The following ADAMTS19 variants were observed in gnomAD, a reference collection of about 807,000 sequenced individuals.
ADAMTS19 encodes the protein ADAM metallopeptidase with thrombospondin type 1 motif 19, also known as A disintegrin and metalloproteinase with thrombospondin motifs 19.
Under a neutral mutation model 153.3 loss-of-function variants are expected in ADAMTS19, and 93 were observed. That is an observed-to-expected ratio of 0.61 (90% CI 0.51 to 0.72). The LOEUF (loss-of-function observed/expected upper bound fraction) is 0.72. Among genes scored for constraint, ADAMTS19 ranks in the 30% least tolerant of loss-of-function variants. The pLI is 0.00. For missense variants in ADAMTS19, 1,482 were observed against 1,552.1 expected (o/e 0.95, Z 0.76); for synonymous variants, 600 against 556.6 (o/e 1.08, Z -1.10).
At chr5:129,508,781 C>T (rs73242271) in intron 2 of ADAMTS19, among the ~76,000 whole-genome samples, 13,771 of 151,930 alleles carry the variant, frequency 0.091, 1,162 homozygotes, top group African/African-American at 0.23. Flanking sequence ...CATGGGTCTC[C>T]CAAAGTGAGC....
At chr5:129,660,953 C>G (rs868684084) in intron 15 of ADAMTS19, among the ~76,000 whole-genome samples, 1 of 152,164 alleles carries the variant, frequency 6.6e-6, no homozygotes, top group Admixed American at 6.6e-5. Context: ...ACCATACCCC[C>G]ACTGCCACCC....
At chr5:129,690,126 T>C (rs549690047) in intron 18 of ADAMTS19, among the ~76,000 whole-genome samples, 5 of 152,102 alleles carry the variant, frequency 3.3e-5, no homozygotes, top group African/African-American at 1.2e-4. Context: ...GCATCCACTA[T>C]TGCTAGGTGG....
At chr5:129,724,478 TTGAC>T (rs2127206513) in intron 21 of ADAMTS19, among the ~76,000 whole-genome samples, 1 of 152,190 alleles carries the variant, frequency 6.6e-6, no homozygotes, top group African/African-American at 2.4e-5. Flanking sequence ...AAGAAAGAAT[TTGAC>T]TGAGAAGCAT....
At chr5:129,691,452 A>G (rs1034119898) in intron 18 of ADAMTS19, among the ~76,000 whole-genome samples, 1 of 152,142 alleles carries the variant, frequency 6.6e-6, no homozygotes, top group African/African-American at 2.4e-5. Flanking sequence ...TATTGGATGC[A>G]TTGTAGATAC....
intron 3 of ADAMTS19, among the ~76,000 whole-genome samples, chr5:129,516,522 T>C (rs533760831): frequency 6.6e-6 from 1 of 151,964 alleles, no homozygotes; most frequent in African/African-American, 2.4e-5. Context: ...GTTTCAATCT[T>C]GGTAGGTTGT....
At chr5:129,658,313 G>GAAAGAAAGAAAGAAAGAAAGAA (rs1561632126) in intron 14 of ADAMTS19, among the ~76,000 whole-genome samples, 53 of 23,604 alleles carry the variant, frequency 2.2e-3, no homozygotes, top group South Asian at 0.016. Flanking sequence ...GAAAGAAAAA[G>GAAAGAAAGAAAGAAAGAAAGAA]AAAGAAAGAA....
chr5:129,592,709 C>CT (rs1193693542), intron 7 of ADAMTS19, among the ~76,000 whole-genome samples: 3 of 152,108 alleles, frequency 2.0e-5, no homozygotes, highest in Non-Finnish European at 4.4e-5. Flanking sequence ...TAGATGGTCA[C>CT]TTTAAGGGTT....
intron 21 of ADAMTS19, among the ~76,000 whole-genome samples, chr5:129,718,653 A>G (rs569504245): frequency 1.3e-5 from 2 of 152,166 alleles, no homozygotes; most frequent in Non-Finnish European, 2.9e-5. Context: ...AGAAGTCATC[A>G]TTTGGTTTCC....
At chr5:129,465,287 T>C (rs1485450694) in intron 2 of ADAMTS19, among the ~76,000 whole-genome samples, 2 of 151,052 alleles carry the variant, frequency 1.3e-5, no homozygotes, top group Non-Finnish European at 2.9e-5. Flanking sequence ...CAATTATCTT[T>C]GCTCAAAGTT....
Position 129,509,093 on chromosome 5 carries a change from T to C in ADAMTS19, c.764T>C (p.Leu255Pro). 6.2e-7 allele frequency: 1 copy of C among 1,609,704 alleles called. No individual in the cohort carries two copies. The highest frequency in any genetic ancestry group is 8.5e-7 in the Non-Finnish European group (1 of 1,177,676). ...CGGGLMGFIQ[L>P]NEDFIFIEPL... ...ATATTCCAGATGGGATTTATACAGC[T>C]CAATGAGGACTTCATATTTATTGAG... The change falls in exon 3 of 23, where the codon CTC becomes CCC. Residue 255 changes from leucine (L) to proline (P), a missense_variant. This residue lies in a region of ADAMTS19 where 866 missense variants were observed against 827.7 expected (regional missense o/e 1.05). Coordinates refer to ENST00000274487, the MANE Select transcript of ADAMTS19 (RefSeq NM_133638.6).
chr5:129,461,794 T>A lies in ADAMTS19; in HGVS notation c.747+37T>A, dbSNP rs117113795. On this transcript the variant is annotated intron_variant, in intron 2 of 22. Transcript: ENST00000274487. The surrounding 1 kb of genome is among the most constrained non-coding windows in gnomAD (Gnocchi z 4.6). ...CTTTCCCTAGCTCTCCATTTTCCCCTGCTGCTCCTCTCCTTGCCCATAGGT... is the reference window on the plus strand; with the variant it reads ...CTTTCCCTAGCTCTCCATTTTCCCCAGCTGCTCCTCTCCTTGCCCATAGGT... 2,925 of 1,474,788 alleles carry A rather than the reference T, an allele frequency of 2.0e-3. 83 individuals are homozygous for A. The East Asian group carries it at 0.056, about 28-fold the overall frequency. The allele number at this position is 1,474,788 out of a possible 1,614,324, so 91.4% of individuals were successfully genotyped here.
At chr5:129,539,605 T>TATATATTGTGAGGG (rs1752587011) in intron 6 of ADAMTS19, among the ~76,000 whole-genome samples, 1 of 152,102 alleles carries the variant, frequency 6.6e-6, no homozygotes, top group African/African-American at 2.4e-5. Context: ...GAGGGGGAGC[T>TATATATTGTGAGGG]GACATACTAT....
In ADAMTS19 at chr5:129,654,311, C is replaced by T; in HGVS notation, c.2182C>T (p.Pro728Ser). The T allele has an allele frequency of 6.2e-7, 1 of 1,607,184 alleles. No individual in the cohort carries two copies. Among genetic ancestry groups the T allele is most frequent in the Non-Finnish European group, 8.5e-7 (1 of 1,178,394 alleles). ...QWQAVLDEEK[P>S]CALFCSPVGK... ...TTTATCTACTCTGTATGTAGAAAAA[C>T]CATGTGCCTTGTTTTGCTCTCCTGT... Residue 728 changes from proline (P) to serine (S), a missense_variant, in exon 14 of 23, where the codon CCA (proline) becomes TCA (serine). This residue lies in a region of ADAMTS19 where 616 missense variants were observed against 724.4 expected (regional missense o/e 0.85). Transcript: ENST00000274487.
rs1047508848 is a variant in ADAMTS19 at position 129,525,592 on chromosome 5, A to T, written c.914-692A>T. On this transcript the variant is annotated intron_variant, in intron 3 of 22. Coordinates refer to ENST00000274487, the MANE Select transcript of ADAMTS19 (RefSeq NM_133638.6). Reference sequence around the variant, plus strand: ...GCATGATTTCCACTATGATAGTGGAAATGTTTTAATAGAACATTAAACATT... The same window carrying T: ...GCATGATTTCCACTATGATAGTGGATATGTTTTAATAGAACATTAAACATT... Among the ~76,000 whole-genome samples, 128 of 152,040 alleles carry T rather than the reference A, an allele frequency of 8.4e-4. 2 individuals carry two copies. The highest frequency in any genetic ancestry group is 3.1e-4 in the Non-Finnish European group (21 of 67,934).
At chr5:129,698,864 G>C (rs17619439) in intron 19 of ADAMTS19, among the ~76,000 whole-genome samples, 150 of 152,282 alleles carry the variant, frequency 9.9e-4, no homozygotes, top group Non-Finnish European at 1.7e-3. Flanking sequence ...AAATCCACCA[G>C]GGGACTCCAA....
At chr5:129,628,501 A>G (rs572620540) in intron 10 of ADAMTS19, among the ~76,000 whole-genome samples, 1 of 152,080 alleles carries the variant, frequency 6.6e-6, no homozygotes, top group African/African-American at 2.4e-5. Context: ...GTGGAGCAAA[A>G]TGAAGGCTGA....
In ADAMTS19 at chr5:129,558,740, C is replaced by A. The variant is rs559317161; in HGVS notation, c.1372+6833C>A. On this transcript the variant is annotated intron_variant, in intron 7 of 22. Transcript: ENST00000274487. ...GGAAGGAAACCTGCGCTATCAGATACCAAGATATAGTACACAGTAAATATG... is the reference window on the plus strand; with the variant it reads ...GGAAGGAAACCTGCGCTATCAGATAACAAGATATAGTACACAGTAAATATG... Among the ~76,000 whole-genome samples the A allele has an allele frequency of 2.0e-4, 30 of 152,084 alleles. No individual in the cohort carries two copies. The South Asian group carries it at 6.0e-3, about 31-fold the overall frequency.
intron 17 of ADAMTS19, among the ~76,000 whole-genome samples, chr5:129,680,914 C>T (rs1000383622): frequency 2.0e-5 from 3 of 152,182 alleles, no homozygotes; most frequent in African/African-American, 7.2e-5. Context: ...GGCACATGAG[C>T]CAAATGACTG....
intron 19 of ADAMTS19, among the ~76,000 whole-genome samples, chr5:129,700,392 A>C (rs1237554108): frequency 1.3e-5 from 2 of 152,162 alleles, no homozygotes; most frequent in Non-Finnish European, 2.9e-5. Flanking sequence ...GTGTAGCTCC[A>C]TGTGGGAGGA....
Sources: gnomAD v4.1 joint callset for allele counts (sites outside exome capture counted in the v4.1 genomes callset) on GRCh38, gnomAD v4.1.1 for gene constraint, gnomAD v4.1.1 regional missense constraint, Gnocchi (gnomAD v3.1) non-coding constraint, MANE v1.5 for transcripts, NCBI Gene and HGNC (gene_info 2026-07-23, HGNC 2026-07-21) for gene names.